Variants in TIPIN observed in about 807,000 individuals in gnomAD.
The protein encoded by TIPIN is TIMELESS-interacting protein.
A neutral mutation model predicts 35.6 loss-of-function variants in TIPIN; 29 were observed. The observed-to-expected ratio is 0.82, with a 90% CI of 0.61 to 1.11. The LOEUF is 1.11. TIPIN is among the 50% of genes most tolerant of loss of function. The pLI is 0.00. For missense variants in TIPIN, 296 were observed against 345.4 expected (o/e 0.86, Z 1.13); for synonymous variants, 102 against 121.5 (o/e 0.84, Z 1.06).
At chr15:66,369,501 AC>A (rs1423372090) in intron 1 of TIPIN, among the ~76,000 whole-genome samples, 1 of 151,788 alleles carries the variant, frequency 6.6e-6, no homozygotes, top group Non-Finnish European at 1.5e-5. Flanking sequence ...GGCGCCTGCC[AC>A]CATGCCCGGC....
At chr15:66,364,158 CTTTTTTT>C (rs747825457) in intron 1 of TIPIN, among the ~76,000 whole-genome samples, 19 of 73,794 alleles carry the variant, frequency 2.6e-4, no homozygotes, top group Admixed American at 2.0e-3. Context: ...TCTTTCTTTT[CTTTTTTT>C]TTTTTTTTTT....
chr15:66,383,672 C>G, intron 1 of TIPIN: 1 of 723,494 alleles, frequency 1.4e-6, no homozygotes, highest in Non-Finnish European at 1.7e-6. Context: ...ACATTTACAT[C>G]TATGCCTCTA....
chr15:66,357,997 C>T (rs973988009), upstream of TIPIN, among the ~76,000 whole-genome samples: 1 of 152,046 alleles, frequency 6.6e-6, no homozygotes, highest in African/African-American at 2.4e-5. Context: ...GTGGCTCATG[C>T]CTGTAATCTT....
chr15:66,346,471 C>T (rs909322477), intron 6 of TIPIN, among the ~76,000 whole-genome samples: 1 of 152,032 alleles, frequency 6.6e-6, no homozygotes, highest in African/African-American at 2.4e-5. Flanking sequence ...TCTCCCTCTA[C>T]CCCCAGGGAC....
Position 66,351,536 on chromosome 15 carries a change from T to C in TIPIN, c.277A>G (p.Lys93Glu), listed in dbSNP as rs373239549. Reference sequence around the variant, plus strand: ...AAATCAGTTCTTACCTCATGACCTTTACCTTTGAATTTTGCCTTATCAAAT... The same window carrying C: ...AAATCAGTTCTTACCTCATGACCTTCACCTTTGAATTTTGCCTTATCAAAT... ...HVFDKAKFKG[K>E]GHEAEDLKML... The change falls in exon 4 of 8, where the codon AAA (lysine) becomes GAA (glutamate). Residue 93 changes from lysine (K) to glutamate (E), a missense_variant. By Grantham distance (56) the Lys-to-Glu change is moderately conservative. Coordinates refer to ENST00000261881, the MANE Select transcript of TIPIN (RefSeq NM_017858.3). The C allele has an allele frequency of 8.7e-6, 14 of 1,613,126 alleles. No homozygotes were observed. The highest frequency in any genetic ancestry group is 1.2e-5 in the Non-Finnish European group (14 of 1,179,450).
rs11071888 is a variant in TIPIN at position 66,386,581 on chromosome 15, A to C, written c.-9+26T>G. The C allele has an allele frequency of 0.21, 34,224 of 165,380 alleles. 3,761 individuals carry two copies. Among genetic ancestry groups the C allele is most frequent in the East Asian group, 0.39 (3,159 of 8,056 alleles). 10.2% of individuals were successfully genotyped at this position (165,380 alleles called of 1,614,324 possible). ...TTCGTCAACACGGCTCGGCTTGGGG[A>C]CAGGGGTCGGGGGCAGGCCGGTTAC... On this transcript the variant is annotated intron_variant, in intron 1 of 7. Coordinates refer to the TIPIN transcript ENST00000562124.
chr15:66,379,373 G>A (rs1274299361), intron 1 of TIPIN: 2 of 1,598,266 alleles, frequency 1.3e-6, no homozygotes, highest in Non-Finnish European at 1.7e-6. Context: ...CTTTTTCAGA[G>A]ACATAGATAC....
intron 1 of TIPIN, among the ~76,000 whole-genome samples, chr15:66,370,440 G>A (rs1312789828): frequency 6.7e-6 from 1 of 149,854 alleles, no homozygotes; most frequent in African/African-American, 2.5e-5. Context: ...TGTCGGACGT[G>A]AAGAACCAAG....
At chr15:66,359,847 G>A (rs778983662), upstream of TIPIN, among the ~76,000 whole-genome samples, 69 of 152,294 alleles carry the variant, frequency 4.5e-4, no homozygotes, top group Middle Eastern at 3.4e-3. Flanking sequence ...AAAACGAACA[G>A]AGCAGATACT....
rs1199955235 is a variant in TIPIN, at chr15:66,367,797, T to A, written c.-8-14842A>T. Among the ~76,000 whole-genome samples the A allele has an allele frequency of 2.6e-5, 4 of 151,770 alleles. 1 individual carries two copies. Among genetic ancestry groups the A allele is most frequent in the Non-Finnish European group, 5.9e-5 (4 of 67,956 alleles). On this transcript the variant is annotated intron_variant, in intron 1 of 7. Coordinates refer to the TIPIN transcript ENST00000562124. ...GTTGCTATTTTGTTATTATGAGTAA[T>A]GCTGAACCAAATGTCCCTGTTATAC...
Position 66,380,256 on chromosome 15 carries a change from C to T in TIPIN, c.-9+6351G>A, listed in dbSNP as rs182806502. On this transcript the variant is annotated intron_variant, in intron 1 of 7. Coordinates refer to the TIPIN transcript ENST00000562124. ...CCTGACCTCGTGATCCACCCCACCT[C>T]GGCCTCCCAAAGTGCTGGGATTACA... is the stretch of plus-strand genomic sequence containing the variant. Among the ~76,000 whole-genome samples the T allele has an allele frequency of 6.6e-3, 994 of 151,672 alleles. 6 individuals are homozygous for T. The highest frequency in any genetic ancestry group is 0.01 in the Non-Finnish European group (685 of 67,886).
intron 1 of TIPIN, among the ~76,000 whole-genome samples, chr15:66,373,152 G>C (rs2093283607): frequency 6.6e-6 from 1 of 152,050 alleles, no homozygotes; most frequent in South Asian, 2.1e-4. Flanking sequence ...ACATTTCTCA[G>C]AACATATTCC....
intron 1 of TIPIN, among the ~76,000 whole-genome samples, chr15:66,372,484 T>C (rs1462886543): frequency 2.0e-5 from 3 of 152,222 alleles, no homozygotes. Context: ...GTTTCCCCAA[T>C]AACTATTACA....
chr15:66,375,313 T>C (rs550251664), intron 1 of TIPIN, among the ~76,000 whole-genome samples: 4 of 151,600 alleles, frequency 2.6e-5, no homozygotes, highest in Non-Finnish European at 5.9e-5. Context: ...TCATTGCAAA[T>C]GTCTTCTTTC....
intron 6 of TIPIN, 67 bp downstream of exon 6, chr15:66,348,993 C>T (rs2093148063): frequency 7.6e-7 from 1 of 1,313,640 alleles, no homozygotes; most frequent in Non-Finnish European, 1.1e-6. Context: ...GGTTGAGCCA[C>T]CACACCCTGC....
intron 1 of TIPIN, among the ~76,000 whole-genome samples, chr15:66,373,898 G>A (rs899132081): frequency 1.1e-4 from 16 of 151,694 alleles, no homozygotes; most frequent in African/African-American, 3.6e-4. Flanking sequence ...AGACAGGGTC[G>A]CCCTATGTTG....
At chr15:66,345,285 G>A (rs573787346) in intron 6 of TIPIN, among the ~76,000 whole-genome samples, 1 of 152,224 alleles carries the variant, frequency 6.6e-6, no homozygotes, top group East Asian at 1.9e-4. Context: ...AATGTCCAAG[G>A]AACAGCTGGA....
At chr15:66,353,309 T>C (rs2093180900) in intron 1 of TIPIN, among the ~76,000 whole-genome samples, 1 of 151,502 alleles carries the variant, frequency 6.6e-6, no homozygotes, top group African/African-American at 2.4e-5. Flanking sequence ...CCACTTCAAT[T>C]AGAGCTGCTT....
At chr15:66,379,011 T>C (rs1045859118) in intron 1 of TIPIN, among the ~76,000 whole-genome samples, 1 of 152,198 alleles carries the variant, frequency 6.6e-6, no homozygotes, top group African/African-American at 2.4e-5. Flanking sequence ...TCTCTCGTCT[T>C]GGTCTCCCAA....
Sources: allele counts gnomAD v4.1 joint callset (sites outside exome capture counted in the v4.1 genomes callset), GRCh38; gene constraint gnomAD v4.1.1; transcripts MANE v1.5; gene names NCBI Gene and HGNC (gene_info 2026-07-23, HGNC 2026-07-21).